Variants in PHACTR1 observed in about 807,000 individuals in gnomAD.
The protein encoded by PHACTR1 is phosphatase and actin regulator 1, also known as RPEL repeat containing 1.
Under a neutral mutation model 69.2 loss-of-function variants are expected in PHACTR1, and 16 were observed. The ratio of observed to expected loss-of-function variants is 0.23; its 90% CI spans 0.16 to 0.35. The LOEUF (loss-of-function observed/expected upper bound fraction) is 0.35, where lower values mean the gene tolerates loss of function less well. Among genes scored for constraint, PHACTR1 ranks in the 10% least tolerant of loss-of-function variants. The probability of loss-of-function intolerance (pLI) is 1.00; values close to 1 mark genes in which losing one functional copy is unlikely to be tolerated. For missense variants in PHACTR1, 510 were observed against 734.7 expected (o/e 0.69, Z 3.54); for synonymous variants, 312 against 284.5 (o/e 1.10, Z -0.97).
chr6:12,933,175 A>G (rs1235171187), intron 4 of PHACTR1, among the ~76,000 whole-genome samples: 1 of 151,972 alleles, frequency 6.6e-6, no homozygotes, highest in African/African-American at 2.4e-5. Context: ...ACCTCAGGTT[A>G]TCCCTTATCC....
chr6:12,947,735 A>C (rs1790843297), intron 4 of PHACTR1, among the ~76,000 whole-genome samples: 1 of 152,200 alleles, frequency 6.6e-6, no homozygotes, highest in African/African-American at 2.4e-5. Flanking sequence ...CCCTAAGGAA[A>C]AGTGAGGCTC....
At chr6:13,018,449 ACAAAG>A (rs1200206608) in intron 4 of PHACTR1, among the ~76,000 whole-genome samples, 1 of 152,146 alleles carries the variant, frequency 6.6e-6, no homozygotes, top group African/African-American at 2.4e-5. Context: ...GATATTTGGT[ACAAAG>A]CATTTAGCAT....
chr6:12,767,429 T>C (rs570560401), intron 4 of PHACTR1, among the ~76,000 whole-genome samples: 3 of 152,222 alleles, frequency 2.0e-5, no homozygotes, highest in Non-Finnish European at 4.4e-5. Flanking sequence ...ATGTGTTTTT[T>C]AAGCAATGGA....
chr6:12,880,833 C>T (rs1341693345), intron 4 of PHACTR1, among the ~76,000 whole-genome samples: 3 of 151,642 alleles, frequency 2.0e-5, no homozygotes, highest in Non-Finnish European at 4.4e-5. Context: ...CATTGATTGG[C>T]AGGGTCAGAG....
intron 4 of PHACTR1, among the ~76,000 whole-genome samples, chr6:12,953,237 C>A (rs1307696728): frequency 6.6e-6 from 1 of 152,134 alleles, no homozygotes; most frequent in Non-Finnish European, 1.5e-5. Flanking sequence ...GCAGGAGAAT[C>A]TCTTGAACCT....
chr6:13,195,275 G>A (rs1220151776), intron 7 of PHACTR1, among the ~76,000 whole-genome samples: 2 of 152,114 alleles, frequency 1.3e-5, no homozygotes, highest in African/African-American at 4.8e-5. Context: ...TTCAGGTGGA[G>A]TACCTATAGC....
intron 5 of PHACTR1, among the ~76,000 whole-genome samples, chr6:13,127,923 T>C (rs1819788410): frequency 6.6e-6 from 1 of 152,110 alleles, no homozygotes; most frequent in Admixed American, 6.5e-5. Flanking sequence ...TTGACTCAGT[T>C]CTGCATGGCT....
rs571881589 is a variant in PHACTR1 at position 13,148,426 on chromosome 6, C to A, written c.416-11778C>A. On this transcript the variant is annotated intron_variant, in intron 5 of 14. Coordinates refer to ENST00000332995, the MANE Select transcript of PHACTR1 (RefSeq NM_030948.6). ...TATGTAGCAAAACTAATTATAATTC[C>A]CTAATATGATCTAATACCCAGTTCA... Among the ~76,000 whole-genome samples the A allele has an allele frequency of 7.2e-5, 11 of 152,234 alleles. No homozygotes were observed. The South Asian group carries it at 2.1e-3, about 29-fold the overall frequency.
At chr6:13,072,095 CT>C (rs762933684) in intron 5 of PHACTR1, among the ~76,000 whole-genome samples, 5 of 152,200 alleles carry the variant, frequency 3.3e-5, no homozygotes, top group Non-Finnish European at 5.9e-5. Context: ...CAAGGATGAT[CT>C]TTGTTTTCCT....
chr6:12,897,749 T>C (rs9472865), intron 4 of PHACTR1, among the ~76,000 whole-genome samples: 4,508 of 149,866 alleles, frequency 0.03, 235 homozygotes, highest in African/African-American at 0.1. Context: ...AGTTCTGGGG[T>C]ACATGTGCAG....
intron 5 of PHACTR1, among the ~76,000 whole-genome samples, chr6:13,133,887 G>A (rs1821014723): frequency 1.3e-5 from 2 of 151,874 alleles, no homozygotes; most frequent in South Asian, 2.1e-4. Flanking sequence ...TCTAGGAAGT[G>A]AGGAGTGTCT....
At chr6:12,869,486 C>A (rs912587922) in intron 4 of PHACTR1, among the ~76,000 whole-genome samples, 1 of 152,090 alleles carries the variant, frequency 6.6e-6, no homozygotes, top group Non-Finnish European at 1.5e-5. Flanking sequence ...CACTTTGTAC[C>A]ACAATACTGG....
chr6:12,746,302 A>G (rs142727472), intron 3 of PHACTR1, among the ~76,000 whole-genome samples: 2,521 of 152,304 alleles, frequency 0.017, 73 homozygotes, highest in African/African-American at 0.058. Flanking sequence ...GGGAGGCTGA[A>G]TTGGGCGGAT....
chr6:13,071,689 A>G (rs1227014410), intron 5 of PHACTR1, among the ~76,000 whole-genome samples: 1 of 152,190 alleles, frequency 6.6e-6, no homozygotes, highest in Non-Finnish European at 1.5e-5. Context: ...TTTCTAAAAT[A>G]AAAAATCTCT....
intron 4 of PHACTR1, among the ~76,000 whole-genome samples, chr6:12,849,115 G>A (rs1168149355): frequency 2.6e-5 from 4 of 152,178 alleles, no homozygotes; most frequent in Non-Finnish European, 5.9e-5. Context: ...CCAGCAGGAA[G>A]TCTCCAGTGT....
At chr6:13,067,124 G>A (rs1808769215) in intron 5 of PHACTR1, among the ~76,000 whole-genome samples, 1 of 152,162 alleles carries the variant, frequency 6.6e-6, no homozygotes, top group South Asian at 2.1e-4. Flanking sequence ...GACAACAGCA[G>A]GAGCAATCTT....
At chr6:12,889,450 G>T (rs888026779) in intron 4 of PHACTR1, among the ~76,000 whole-genome samples, 1 of 152,156 alleles carries the variant, frequency 6.6e-6, no homozygotes, top group Non-Finnish European at 1.5e-5. Context: ...CAAATGTAAA[G>T]AAAACATGTT....
chr6:13,170,714 T>C (rs77226591), intron 6 of PHACTR1, among the ~76,000 whole-genome samples: 5,794 of 152,328 alleles, frequency 0.038, 242 homozygotes, highest in African/African-American at 0.1. Context: ...TTTCCAGTTC[T>C]GGCTCCATCG....
chr6:13,245,950 C>G lies in PHACTR1; in HGVS notation c.1391+15757C>G, dbSNP rs1006315484. On this transcript the variant is annotated intron_variant, in intron 10 of 14. Coordinates refer to ENST00000332995, the MANE Select transcript of PHACTR1 (RefSeq NM_030948.6). The surrounding 1 kb of genome is among the most constrained non-coding windows in gnomAD (Gnocchi z 4.1). ...ATTAGGATCTCAGAGTGTAATAGAA[C>G]ATTTTAGAACTTAAATGGACATTTA... 1.3e-5 allele frequency among the ~76,000 whole-genome samples: 2 copies of G among 152,124 alleles called. No individual in the cohort carries two copies. The highest frequency in any genetic ancestry group is 2.9e-5 in the Non-Finnish European group (2 of 68,026).
Sources: gnomAD v4.1 joint callset for allele counts (sites outside exome capture counted in the v4.1 genomes callset) on GRCh38, gnomAD v4.1.1 for gene constraint, Gnocchi (gnomAD v3.1) non-coding constraint, MANE v1.5 for transcripts, NCBI Gene and HGNC (gene_info 2026-07-23, HGNC 2026-07-21) for gene names.